The following PTER variants were observed in gnomAD, a reference collection of about 807,000 sequenced individuals.
The protein encoded by PTER is N-acetyltaurine hydrolase.
A neutral mutation model predicts 29.6 loss-of-function variants in PTER; 38 were observed. That is an observed-to-expected ratio of 1.28 (90% CI 0.99 to 1.68). The LOEUF (loss-of-function observed/expected upper bound fraction) is 1.68. Among genes scored for constraint, PTER ranks in the 40% most tolerant of loss-of-function variants. PTER has a pLI of 0.00. For missense variants in PTER, 482 were observed against 427.8 expected, an observed-to-expected ratio of 1.13 and a Z score of -1.12; for synonymous variants, 172 against 154.5, an observed-to-expected ratio of 1.11 and a Z score of -0.84.
chr10:16,487,768 G>A (rs746898012), intron 3 of PTER, among the ~76,000 whole-genome samples: 1 of 152,186 alleles, frequency 6.6e-6, no homozygotes, highest in African/African-American at 2.4e-5. Flanking sequence ...GCACCAGTGA[G>A]ACTAATAATA....
downstream of PTER, chr10:16,514,710 A>G: frequency 1.2e-6 from 2 of 1,604,536 alleles, no homozygotes; most frequent in Non-Finnish European, 1.7e-6. Flanking sequence ...GCACGCACCT[A>G]TGTGAAACAG....
rs528560266 is a variant in PTER at position 16,441,071 on chromosome 10, G to A, written c.-49+4024G>A. Among the ~76,000 whole-genome samples, 15 of 152,260 alleles carry A rather than the reference G, an allele frequency of 9.9e-5. No individual in the cohort carries two copies. In the South Asian group the frequency reaches 3.1e-3, roughly 32 times the overall value. On this transcript the variant is annotated intron_variant, in intron 1 of 4. Coordinates refer to ENST00000535784, the MANE Select transcript of PTER (RefSeq NM_001261836.2). ...TGCTTTGTGATTTTAATCAAGAGTG[G>A]CAAAAATGGCGTTTAGATGTTTAAT...
intron 3 of PTER, among the ~76,000 whole-genome samples, chr10:16,492,458 G>A (rs1275941330): frequency 6.6e-6 from 1 of 152,112 alleles, no homozygotes. Context: ...CAGGCTAGAT[G>A]CGATTAAAAA....
chr10:16,508,035 C>G (rs1836646533), intron 4 of PTER, among the ~76,000 whole-genome samples: 1 of 151,534 alleles, frequency 6.6e-6, no homozygotes, highest in Non-Finnish European at 1.5e-5. Context: ...ATGCCCTCAA[C>G]ATATGTTTTA....
intron 1 of PTER, among the ~76,000 whole-genome samples, chr10:16,480,519 T>C (rs1261982475): frequency 3.3e-5 from 5 of 152,098 alleles, no homozygotes; most frequent in Non-Finnish European, 7.4e-5. Context: ...GCATTTAAAA[T>C]TGTTAGACGA....
chr10:16,457,429 G>A (rs1296572505), intron 1 of PTER, among the ~76,000 whole-genome samples: 1 of 152,138 alleles, frequency 6.6e-6, no homozygotes, highest in East Asian at 1.9e-4. Context: ...TAGCCACGAT[G>A]GTCTCGATCT....
At chr10:16,453,982 A>G (rs568730896) in intron 1 of PTER, among the ~76,000 whole-genome samples, 2 of 152,314 alleles carry the variant, frequency 1.3e-5, no homozygotes, top group South Asian at 4.1e-4. Context: ...TTGCCCAAAT[A>G]TGTGCTTCTG....
intron 1 of PTER, among the ~76,000 whole-genome samples, chr10:16,448,425 A>G (rs1228822639): frequency 6.6e-6 from 1 of 152,290 alleles, no homozygotes; most frequent in African/African-American, 2.4e-5. Flanking sequence ...GGAACGTGTT[A>G]CCTCCAACAG....
intron 3 of PTER, among the ~76,000 whole-genome samples, chr10:16,488,240 A>G (rs1228878916): frequency 6.6e-6 from 1 of 152,188 alleles, no homozygotes; most frequent in African/African-American, 2.4e-5. Flanking sequence ...TCAGACTGTG[A>G]AAACTAGACT....
At chr10:16,464,309 T>C (rs1239058487) in intron 1 of PTER, among the ~76,000 whole-genome samples, 2 of 152,220 alleles carry the variant, frequency 1.3e-5, no homozygotes, top group African/African-American at 4.8e-5. Flanking sequence ...AGCATTTTGA[T>C]TTAACTTTTT....
At chr10:16,467,988 G>A (rs978899758) in intron 1 of PTER, among the ~76,000 whole-genome samples, 11 of 152,118 alleles carry the variant, frequency 7.2e-5, no homozygotes, top group Non-Finnish European at 1.3e-4. Context: ...GTCATATTCC[G>A]TAAAAGGGCT....
intron 3 of PTER, among the ~76,000 whole-genome samples, chr10:16,493,637 T>C (rs1835986133): frequency 6.6e-6 from 1 of 151,858 alleles, no homozygotes; most frequent in South Asian, 2.1e-4. Flanking sequence ...TATTGTTTAC[T>C]GTGTATTTTC....
At chr10:16,463,606 C>T (rs978298018) in intron 1 of PTER, among the ~76,000 whole-genome samples, 14 of 151,462 alleles carry the variant, frequency 9.2e-5, no homozygotes, top group African/African-American at 3.4e-4. Flanking sequence ...AGTAGAGACA[C>T]GGTTTCACCG....
At chr10:16,515,902 C>A (rs1174909186), downstream of PTER, among the ~76,000 whole-genome samples, 2 of 152,048 alleles carry the variant, frequency 1.3e-5, no homozygotes, top group African/African-American at 4.8e-5. Flanking sequence ...ATTTGGGGTA[C>A]AATATGCTGG....
intron 1 of PTER, among the ~76,000 whole-genome samples, chr10:16,459,723 GTTA>G (rs1445179097): frequency 1.3e-5 from 2 of 150,872 alleles, no homozygotes; most frequent in East Asian, 3.9e-4. Flanking sequence ...ATATTTCAGA[GTTA>G]TTTATTTATT....
chr10:16,453,066 T>A (rs1834271984), intron 1 of PTER, among the ~76,000 whole-genome samples: 1 of 152,068 alleles, frequency 6.6e-6, no homozygotes, highest in African/African-American at 2.4e-5. Context: ...TCTTATTTTT[T>A]AATATAATAG....
chr10:16,483,447 C>A (rs953832870), intron 1 of PTER, among the ~76,000 whole-genome samples: 1 of 152,164 alleles, frequency 6.6e-6, no homozygotes, highest in East Asian at 1.9e-4. Flanking sequence ...TCTATGAAGT[C>A]GTGTGAGTCA....
intron 1 of PTER, among the ~76,000 whole-genome samples, chr10:16,460,771 C>T (rs1834582886): frequency 6.6e-6 from 1 of 152,100 alleles, no homozygotes; most frequent in African/African-American, 2.4e-5. Context: ...TAGAGTCTCA[C>T]TCTGTTGCCC....
intron 1 of PTER, among the ~76,000 whole-genome samples, chr10:16,469,511 G>A (rs1005927999): frequency 3.5e-5 from 5 of 142,006 alleles, no homozygotes; most frequent in Admixed American, 2.7e-4. Flanking sequence ...GAATGAAGGG[G>A]AAAAGGAATC....
Sources: allele counts gnomAD v4.1 joint callset (sites outside exome capture counted in the v4.1 genomes callset), GRCh38; gene constraint gnomAD v4.1.1; transcripts MANE v1.5; gene names NCBI Gene and HGNC (gene_info 2026-07-23, HGNC 2026-07-21).